The following NBAS variants were observed in gnomAD, a reference collection of about 807,000 sequenced individuals.
NBAS encodes the protein NAG/BC035112 fusion.
In NBAS, 219 loss-of-function variants were observed where a neutral mutation model predicts 302.5. The ratio of observed to expected loss-of-function variants is 0.72; its 90% confidence interval spans 0.65 to 0.81. The LOEUF (loss-of-function observed/expected upper bound fraction) is 0.81. NBAS is among the 30% of genes least tolerant of loss of function. The pLI, the probability that NBAS is intolerant of heterozygous loss-of-function variation, is 0.00. For missense variants in NBAS, 2,932 were observed against 2,841.6 expected (o/e 1.03, Z -0.72); for synonymous variants, 1,118 against 1,021.6 (o/e 1.09, Z -1.80).
intron 9 of NBAS, among the ~76,000 whole-genome samples, chr2:15,532,671 G>C (rs1290101601): frequency 6.6e-6 from 1 of 151,882 alleles, no homozygotes; most frequent in Non-Finnish European, 1.5e-5. Flanking sequence ...TACAATGTAA[G>C]CTTTTTATTT....
At chr2:15,443,578 T>C (rs1362210875) in intron 21 of NBAS, among the ~76,000 whole-genome samples, 1 of 151,100 alleles carries the variant, frequency 6.6e-6, no homozygotes, top group Non-Finnish European at 1.5e-5. Flanking sequence ...AAGCATTCCC[T>C]CTGAAAACTG....
At chr2:15,266,956 T>C (rs1216727037) in intron 44 of NBAS, among the ~76,000 whole-genome samples, 1 of 152,222 alleles carries the variant, frequency 6.6e-6, no homozygotes, top group Non-Finnish European at 1.5e-5. Context: ...ATTATAGATC[T>C]AAAACAAGTT....
At chr2:15,244,022 A>T (rs1420483908) in intron 44 of NBAS, among the ~76,000 whole-genome samples, 2 of 152,160 alleles carry the variant, frequency 1.3e-5, no homozygotes, top group African/African-American at 4.8e-5. Context: ...CCAATTAATG[A>T]TGTCATCCTT....
At chr2:14,790,707 A>G in the NBAS span, among the ~76,000 whole-genome samples, 1 of 148,052 alleles carries the variant, frequency 6.8e-6, no homozygotes. Context: ...GCTGGAGTGC[A>G]ACGGTGCGAT....
the NBAS span, among the ~76,000 whole-genome samples, chr2:14,797,190 C>T: frequency 1.3e-5 from 2 of 151,820 alleles, no homozygotes; most frequent in African/African-American, 2.4e-5. Context: ...TTCGGGTAGG[C>T]GTTGTCCACT....
At chr2:15,553,855 CCTCCCTCCCTCTCTCCCTCTCTCT>C (rs1273611827) in intron 4 of NBAS, among the ~76,000 whole-genome samples, 182 bp downstream of exon 4, 1,372 of 98,832 alleles carry the variant, frequency 0.014, 16 homozygotes, top group African/African-American at 0.038. Context: ...TTCCTCTCTC[CCTCCCTCCCTCTCTCCCTCTCTCT>C]CTCCCTCTCT....
intron 28 of NBAS, among the ~76,000 whole-genome samples, chr2:15,392,851 A>C (rs1675676723): frequency 6.6e-6 from 1 of 152,056 alleles, no homozygotes; most frequent in Non-Finnish European, 1.5e-5. Flanking sequence ...GACTAATGTT[A>C]CCTAATTTCA....
chr2:15,364,740 AT>A (rs1674112210), intron 32 of NBAS, among the ~76,000 whole-genome samples: 1 of 152,100 alleles, frequency 6.6e-6, no homozygotes, highest in African/African-American at 2.4e-5. Flanking sequence ...GTACCCAGAC[AT>A]GTGAGTAATG....
the NBAS span, among the ~76,000 whole-genome samples, chr2:14,807,477 G>A: frequency 6.6e-6 from 1 of 151,068 alleles, no homozygotes; most frequent in East Asian, 1.9e-4. Flanking sequence ...GTGTGTGTGT[G>A]TGTGTGTGTA....
the NBAS span, among the ~76,000 whole-genome samples, chr2:15,160,671 A>G: frequency 1.3e-5 from 2 of 150,472 alleles, no homozygotes; most frequent in African/African-American, 4.9e-5. Context: ...TGCACCCCAC[A>G]AGGGAATCCC....
At chr2:15,332,474 T>TA (rs1672396298) in intron 35 of NBAS, among the ~76,000 whole-genome samples, 1 of 152,164 alleles carries the variant, frequency 6.6e-6, no homozygotes, top group South Asian at 2.1e-4. Context: ...AACCAATGCT[T>TA]ACAATTTACC....
chr2:15,277,615 G>A (rs1434727769), intron 42 of NBAS, among the ~76,000 whole-genome samples: 1 of 152,116 alleles, frequency 6.6e-6, no homozygotes, highest in East Asian at 1.9e-4. Context: ...ATTTTATGCT[G>A]TGTCCAGATA....
chr2:15,152,568 G>A, the NBAS span, among the ~76,000 whole-genome samples: 1 of 152,190 alleles, frequency 6.6e-6, no homozygotes, highest in African/African-American at 2.4e-5. Flanking sequence ...GTCCATATGA[G>A]GTAAATGCCA....
At chr2:15,262,796 T>C (rs937109755) in intron 44 of NBAS, among the ~76,000 whole-genome samples, 2 of 152,152 alleles carry the variant, frequency 1.3e-5, no homozygotes, top group African/African-American at 4.8e-5. Flanking sequence ...TTTCATAGTC[T>C]TTACTCATAG....
intron 40 of NBAS, among the ~76,000 whole-genome samples, chr2:15,294,771 A>C (rs931826524): frequency 6.6e-6 from 1 of 152,194 alleles, no homozygotes; most frequent in Non-Finnish European, 1.5e-5. Context: ...AGCTCTTTTC[A>C]GTTGTTCCTT....
the NBAS span, among the ~76,000 whole-genome samples, chr2:15,141,421 C>T: frequency 3.3e-5 from 5 of 152,192 alleles, no homozygotes; most frequent in Non-Finnish European, 7.3e-5. Context: ...CAGGCAGATT[C>T]GTGGTCTTAT....
chr2:14,859,065 A>T, the NBAS span, among the ~76,000 whole-genome samples: 7,474 of 152,152 alleles, frequency 0.049, 611 homozygotes, highest in African/African-American at 0.17. Context: ...AAACAAATCA[A>T]GAAAGTAATA....
At chr2:14,972,668 T>C in the NBAS span, among the ~76,000 whole-genome samples, 1 of 152,222 alleles carries the variant, frequency 6.6e-6, no homozygotes, top group African/African-American at 2.4e-5. Flanking sequence ...TGGAACCAGA[T>C]GTAAGTCCAG....
At chr2:14,864,047 G>C in the NBAS span, among the ~76,000 whole-genome samples, 1 of 152,092 alleles carries the variant, frequency 6.6e-6, no homozygotes, top group South Asian at 2.1e-4. Context: ...GGCCAGGCAC[G>C]GTGGCTCACG....
Sources: gnomAD v4.1 joint callset for allele counts (sites outside exome capture counted in the v4.1 genomes callset) on GRCh38, gnomAD v4.1.1 for gene constraint, MANE v1.5 for transcripts, NCBI Gene and HGNC (gene_info 2026-07-23, HGNC 2026-07-21) for gene names.